Variants in EML5 observed in about 807,000 individuals in gnomAD.
EML5 encodes EMAP like 5.
A neutral mutation model predicts 250.0 loss-of-function variants in EML5; 120 were observed. That is an observed-to-expected ratio of 0.48 (90% CI 0.41 to 0.56). EML5 has a LOEUF of 0.56. Ranked by LOEUF, EML5 falls within the 20% of genes least tolerant of loss-of-function variation. The probability of loss-of-function intolerance (pLI) is 0.00; values close to 1 mark genes in which losing one functional copy is unlikely to be tolerated. For synonymous variants in EML5, 771 were observed against 806.5 expected, an observed-to-expected ratio of 0.96 and a Z score of 0.75; for missense variants, 2,006 against 2,437.6, an observed-to-expected ratio of 0.82 and a Z score of 3.73.
At chr14:88,697,075 A>G in intron 14 of EML5, 123 bp from the exon 15 acceptor site, 1 of 658,204 alleles carries the variant, frequency 1.5e-6, no homozygotes, top group Non-Finnish European at 2.3e-6. Flanking sequence ...TTATTAAATA[A>G]AAATTTAAAG....
Position 88,681,891 on chromosome 14 carries a change from C to G in EML5, c.3123G>C (p.Lys1041Asn). ...HCMLAVRKLK[K>N]GGRCCCFSPD... Reference sequence around the variant, plus strand: ...CGTTCAAGTGTGAGAGCCTCTTACCCTTTTTCAGCTTCCGGACAGCCAACA... The same window carrying G: ...CGTTCAAGTGTGAGAGCCTCTTACCGTTTTTCAGCTTCCGGACAGCCAACA... The change falls in exon 21 of 44, where the codon AAG (lysine) becomes AAC (asparagine). Residue 1041 changes from lysine (K) to asparagine (N), a missense_variant and splice_region_variant. Coordinates refer to ENST00000554922, the MANE Select transcript of EML5 (RefSeq NM_183387.3). The G allele has an allele frequency of 1.2e-6, 2 of 1,604,568 alleles. No individual in the cohort carries two copies. The highest frequency in any genetic ancestry group is 4.5e-5 in the East Asian group (2 of 44,520).
At chr14:88,753,502 T>G (rs187598540) in intron 2 of EML5, among the ~76,000 whole-genome samples, 2 of 152,328 alleles carry the variant, frequency 1.3e-5, no homozygotes, top group Admixed American at 1.3e-4. Context: ...ACTAAAATTG[T>G]TCTAAAATTT....
At chr14:88,760,083 C>T (rs1439858438) in intron 1 of EML5, among the ~76,000 whole-genome samples, 2 of 152,118 alleles carry the variant, frequency 1.3e-5, no homozygotes, top group African/African-American at 4.8e-5. Context: ...GTCCCTTTGT[C>T]CTACATGGGA....
At chr14:88,662,460 A>G (rs978630373) in intron 24 of EML5, among the ~76,000 whole-genome samples, 1 of 147,236 alleles carries the variant, frequency 6.8e-6, no homozygotes, top group African/African-American at 2.5e-5. Context: ...CTTAGATGGC[A>G]TGTCTTCTAT....
intron 8 of EML5, among the ~76,000 whole-genome samples, chr14:88,725,201 G>T (rs1439306168): frequency 6.6e-6 from 1 of 152,086 alleles, no homozygotes; most frequent in Non-Finnish European, 1.5e-5. Flanking sequence ...TTCCATTTGG[G>T]AAGATGAAAA....
rs562541752 is a variant in EML5 at position 88,714,889 on chromosome 14, T to C, written c.1444+50A>G. ...TTACACTCTGCTTCCAGTAAAACTC[T>C]AAAATATTGTATAGGTACTACAAAT... On this transcript the variant is annotated intron_variant, in intron 9 of 43. Coordinates refer to ENST00000554922, the MANE Select transcript of EML5 (RefSeq NM_183387.3). The C allele has an allele frequency of 1.9e-6, 3 of 1,540,484 alleles. No individual in the cohort carries two copies. The South Asian group carries it at 3.7e-5, about 19-fold the overall frequency.
intron 32 of EML5, among the ~76,000 whole-genome samples, chr14:88,636,441 T>A (rs2090735430): frequency 6.6e-6 from 1 of 152,112 alleles, no homozygotes. Context: ...GGCGGGCAGA[T>A]AACAAGGTCA....
intron 7 of EML5, among the ~76,000 whole-genome samples, chr14:88,732,442 A>G (rs1275979892): frequency 6.6e-6 from 1 of 152,324 alleles, no homozygotes; most frequent in East Asian, 1.9e-4. Context: ...TTTTGGTACC[A>G]GTACCATGCT....
Position 88,792,577 on chromosome 14 carries a change from A to C in EML5, c.-74T>G. ...GAGGCGGCGGCGGCCCGGCAACGAA[A>C]GCCCTCCCGCTGGCTGCCGGGACTT... On this transcript the variant is annotated 5_prime_UTR_variant, in exon 1 of 44. Transcript: ENST00000554922. This position sits in a 1 kb window ranked among gnomAD's most constrained non-coding sequence, Gnocchi z 6.9. The C allele has an allele frequency of 8.3e-7, 1 of 1,198,640 alleles. No individual in the cohort carries two copies. Among genetic ancestry groups the C allele is most frequent in the Non-Finnish European group, 1.0e-6 (1 of 963,802 alleles). The allele number at this position is 1,198,640 out of a possible 1,614,324, so 74.3% of individuals were successfully genotyped here.
chr14:88,747,122 A>AC (rs900912934), intron 2 of EML5, among the ~76,000 whole-genome samples: 3 of 152,012 alleles, frequency 2.0e-5, no homozygotes, highest in Admixed American at 6.6e-5. Flanking sequence ...AAACAAACAA[A>AC]AAAAAAAGGG....
chr14:88,693,432 G>A (rs188958434), intron 17 of EML5, among the ~76,000 whole-genome samples: 1 of 152,128 alleles, frequency 6.6e-6, no homozygotes, highest in African/African-American at 2.4e-5. Flanking sequence ...AAAACCATCA[G>A]ATCTCATGAG....
intron 1 of EML5, among the ~76,000 whole-genome samples, chr14:88,773,441 T>C (rs1566786137): frequency 6.6e-6 from 1 of 152,332 alleles, no homozygotes; most frequent in East Asian, 1.9e-4. Context: ...GAGGTCCCAG[T>C]ACTTACCCAC....
intron 1 of EML5, among the ~76,000 whole-genome samples, chr14:88,777,101 C>T (rs1447469768): frequency 1.3e-5 from 2 of 151,908 alleles, no homozygotes; most frequent in African/African-American, 4.8e-5. Context: ...TATAGAACAC[C>T]AAGCAGATTT....
chr14:88,621,569 A>G (rs1468372612), intron 37 of EML5: 3 of 478,032 alleles, frequency 6.3e-6, no homozygotes, highest in Middle Eastern at 5.7e-4. Context: ...TTCAATAATC[A>G]AAGTTTTTAT....
chr14:88,698,047 T>C (rs138365443), intron 14 of EML5, among the ~76,000 whole-genome samples: 1 of 152,298 alleles, frequency 6.6e-6, no homozygotes, highest in East Asian at 1.9e-4. Flanking sequence ...GAGATTGATT[T>C]TATAAAAAGA....
chr14:88,663,147 C>T, intron 23 of EML5, 28 bp from the exon 24 acceptor site: 1 of 1,458,480 alleles, frequency 6.9e-7, no homozygotes, highest in Non-Finnish European at 9.3e-7. Context: ...AAAATATTTA[C>T]ACATATAAAA....
At chr14:88,658,524 C>G (rs1186791314) in intron 25 of EML5, 136 bp from the exon 26 acceptor site, 7 of 681,858 alleles carry the variant, frequency 1.0e-5, no homozygotes, top group Admixed American at 3.3e-5. Flanking sequence ...TGAGAAAATA[C>G]TGAAACTCAG....
chr14:88,624,009 T>C (rs999794701), intron 36 of EML5: 26 of 152,230 alleles, frequency 1.7e-4, no homozygotes, highest in African/African-American at 6.3e-4. Context: ...TTAATTAACA[T>C]ATGTGGGTTC....
In EML5 at chr14:88,747,854, G is replaced by A. The variant is rs562036966; in HGVS notation, c.358-1571C>T. 2.4e-4 allele frequency among the ~76,000 whole-genome samples: 37 copies of A among 152,306 alleles called. No individual in the cohort carries two copies. In the East Asian group the frequency reaches 6.6e-3, roughly 27 times the overall value. On this transcript the variant is annotated intron_variant, in intron 2 of 43. Transcript: ENST00000554922. ...ACACAAAAGATGGACTTCTAGCCAT[G>A]AAGGAGTATCAAGGTCTGAACTTAC...
Sources: gnomAD v4.1 joint callset for allele counts (sites outside exome capture counted in the v4.1 genomes callset) on GRCh38, gnomAD v4.1.1 for gene constraint, Gnocchi (gnomAD v3.1) non-coding constraint, MANE v1.5 for transcripts, NCBI Gene and HGNC (gene_info 2026-07-23, HGNC 2026-07-21) for gene names.